The following ABTB2 variants were observed in gnomAD, a reference collection of about 807,000 sequenced individuals.
ABTB2 encodes ankyrin repeat and BTB/POZ domain-containing protein 2.
ABTB2 carries 56 observed loss-of-function variants against 104.1 expected under a neutral mutation model. That is an observed-to-expected ratio of 0.54 (90% confidence interval 0.43 to 0.67). The LOEUF (loss-of-function observed/expected upper bound fraction) is 0.67. Ranked by LOEUF, ABTB2 falls within the 30% of genes least tolerant of loss-of-function variation. ABTB2 has a pLI of 0.00. For synonymous variants in ABTB2, 606 were observed against 608.2 expected (o/e 1.00, Z 0.05); for missense variants, 1,279 against 1,407.7 (o/e 0.91, Z 1.46).
At chr11:34,305,058 T>A (rs1034692539) in intron 1 of ABTB2, among the ~76,000 whole-genome samples, 1 of 152,240 alleles carries the variant, frequency 6.6e-6, no homozygotes, top group Admixed American at 6.5e-5. Context: ...CAGAGCAGTG[T>A]CTGCTTCTAT....
In ABTB2 at chr11:34,246,601, CAAAAAAAAAAAAA is replaced by C. The variant is rs60681759; in HGVS notation, c.884-41924_884-41912del. ...GGGCAATAAGAGTGAAACTCCATCT[CAAAAAAAAAAAAA>C]AAAAAAAAAAAAAGACAAATCTTGT... is the stretch of plus-strand genomic sequence containing the variant. On this transcript the variant is annotated intron_variant, in intron 1 of 16. Coordinates refer to ENST00000435224, the MANE Select transcript of ABTB2 (RefSeq NM_145804.3). Among the ~76,000 whole-genome samples the C allele has an allele frequency of 1.2e-3, 41 of 34,778 alleles. 1 individual carries two copies. Among genetic ancestry groups the C allele is most frequent in the African/African-American group, 5.1e-3 (41 of 8,048 alleles). 22.8% of individuals were successfully genotyped at this position (34,778 alleles called of 152,430 possible).
chr11:34,308,368 T>C lies in ABTB2; in HGVS notation c.883+48333A>G, dbSNP rs114018512. Among the ~76,000 whole-genome samples, 466 of 152,316 alleles carry C rather than the reference T, an allele frequency of 3.1e-3. 3 individuals are homozygous for C. The highest frequency in any genetic ancestry group is 0.01 in the African/African-American group (433 of 41,568). On this transcript the variant is annotated intron_variant, in intron 1 of 16. Coordinates refer to ENST00000435224, the MANE Select transcript of ABTB2 (RefSeq NM_145804.3). ...GTTTAAAGCAGCAAGAAATGACAGC[T>C]AACAGCATTAGAAGGGCTTAAACAT...
At chr11:34,185,070 G>T (rs1335296333) in intron 3 of ABTB2, among the ~76,000 whole-genome samples, 1 of 152,202 alleles carries the variant, frequency 6.6e-6, no homozygotes, top group Non-Finnish European at 1.5e-5. Flanking sequence ...TTAGGCTCTT[G>T]GGATAGGTAA....
chr11:34,159,233 C>G, intron 14 of ABTB2, 63 bp downstream of exon 14: 1 of 1,319,498 alleles, frequency 7.6e-7, no homozygotes, highest in Non-Finnish European at 1.1e-6. Context: ...CAGCTGCCCA[C>G]AAGGTGGGCT....
intron 10 of ABTB2, 50 bp downstream of exon 10, chr11:34,162,526 G>A: frequency 1.3e-6 from 2 of 1,548,986 alleles, no homozygotes; most frequent in African/African-American, 2.7e-5. Flanking sequence ...GTGACCGTGT[G>A]TGTCCATATG....
At chr11:34,225,816 G>A (rs1279212711) in intron 1 of ABTB2, among the ~76,000 whole-genome samples, 1 of 152,046 alleles carries the variant, frequency 6.6e-6, no homozygotes, top group East Asian at 1.9e-4. Flanking sequence ...GAGAAAAGGA[G>A]AAAGAAGAAA....
At chr11:34,279,571 ATCTG>A (rs1328265638) in intron 1 of ABTB2, among the ~76,000 whole-genome samples, 6 of 152,230 alleles carry the variant, frequency 3.9e-5, no homozygotes, top group Non-Finnish European at 5.9e-5. Flanking sequence ...TCCCCAACCT[ATCTG>A]TCTGACACTT....
intron 1 of ABTB2, among the ~76,000 whole-genome samples, chr11:34,254,983 A>T (rs1366757853): frequency 6.6e-6 from 1 of 152,164 alleles, no homozygotes; most frequent in African/African-American, 2.4e-5. Context: ...ATTTTAATTA[A>T]TTTAAATGTA....
rs770654532 is a variant in ABTB2 at position 34,160,271 on chromosome 11, C to T, written c.2480G>A (p.Arg827Gln). ...SSPIPSIPEI[R>Q]KTLPARLDPH... is the part of the protein sequence containing the mutation. ...ACCTAGCCTGGCCGGCAGGGTCTTC[C>T]GGATCTCTGGGATGCTGGGGATGGG... The change falls in exon 12 of 17, where the codon CGG becomes CAG. Residue 827 changes from arginine to glutamine, a missense_variant. Transcript: ENST00000435224. 3.1e-5 allele frequency: 50 copies of T among 1,613,930 alleles called. No homozygotes were observed. Among genetic ancestry groups the T allele is most frequent in the East Asian group, 2.2e-4 (10 of 44,868 alleles).
At chr11:34,163,907 G>A (rs1267865417) in intron 9 of ABTB2, among the ~76,000 whole-genome samples, 1 of 152,060 alleles carries the variant, frequency 6.6e-6, no homozygotes, top group Admixed American at 6.5e-5. Flanking sequence ...ACTGGGTGGG[G>A]TGGAGCGGCC....
chr11:34,162,055 C>T (rs2133006792), intron 10 of ABTB2, among the ~76,000 whole-genome samples: 1 of 152,328 alleles, frequency 6.6e-6, no homozygotes, highest in African/African-American at 2.4e-5. Flanking sequence ...TCATTAGCAC[C>T]AAAGCCACAG....
At position 34,170,597 on chromosome 11, in the gene ABTB2, G is replaced by A. The variant is rs377644220; in HGVS notation, c.1563+309C>T. On this transcript the variant is annotated intron_variant, in intron 5 of 16. Transcript: ENST00000435224. ...AGGCTGTACTACAGGGTTAGCGATC[G>A]TGTCCCTAGCTGGAGATGAAGCTCA... Among the ~76,000 whole-genome samples, 106 of 152,322 alleles carry A rather than the reference G, an allele frequency of 7.0e-4. 2 individuals carry two copies. The highest frequency in any genetic ancestry group is 6.0e-3 in the South Asian group (29 of 4,826).
At chr11:34,226,682 A>G (rs4755363) in intron 1 of ABTB2, among the ~76,000 whole-genome samples, 87,638 of 152,076 alleles carry the variant, frequency 0.58, 26,057 homozygotes, top group Non-Finnish European at 0.66. Context: ...TACCCTTTTA[A>G]AACATTTCAT....
intron 1 of ABTB2, among the ~76,000 whole-genome samples, chr11:34,290,980 TG>T (rs1854560115): frequency 6.6e-6 from 1 of 152,246 alleles, no homozygotes; most frequent in Non-Finnish European, 1.5e-5. Context: ...TAAGACCAAC[TG>T]ACGAAAAACA....
chr11:34,165,323 A>C lies in ABTB2; in HGVS notation c.1789T>G (p.Ser597Ala). ...CTGTCCTCGCCGCCGTTCACTGCCG[A>C]GCCCTCGACATGGGCACCAGCATCC... Reference protein sequence around the residue: ...LLDAGAHVEGSAVNGGEDSYA... With the variant: ...LLDAGAHVEGAAVNGGEDSYA... The change falls in exon 8 of 17, where the codon TCG becomes GCG. Residue 597 changes from serine to alanine, a missense_variant. Ser to Ala is a moderately conservative substitution (Grantham distance 99). Coordinates refer to ENST00000435224, the MANE Select transcript of ABTB2 (RefSeq NM_145804.3). The C allele has an allele frequency of 6.3e-7, 1 of 1,586,062 alleles. No homozygotes were observed. Among genetic ancestry groups the C allele is most frequent in the Non-Finnish European group, 8.6e-7 (1 of 1,166,944 alleles).
chr11:34,333,710 T>C (rs1233086608), intron 1 of ABTB2, among the ~76,000 whole-genome samples: 1 of 152,110 alleles, frequency 6.6e-6, no homozygotes, highest in Non-Finnish European at 1.5e-5. Flanking sequence ...GAGCTGAGAT[T>C]GTGTCACTGC....
At chr11:34,280,304 G>C (rs1204545062) in intron 1 of ABTB2, among the ~76,000 whole-genome samples, 2 of 152,096 alleles carry the variant, frequency 1.3e-5, no homozygotes, top group Non-Finnish European at 1.5e-5. Context: ...AGACAGTGAG[G>C]CTGACCCAGG....
At position 34,232,936 on chromosome 11, in the gene ABTB2, G is replaced by A. The variant is rs1051635266; in HGVS notation, c.884-28246C>T. Among the ~76,000 whole-genome samples, 11 of 152,096 alleles carry A rather than the reference G, an allele frequency of 7.2e-5. No homozygotes were observed. In the South Asian group the frequency reaches 1.2e-3, roughly 17 times the overall value. ...AATCACACCACTGCACTCCAGCCTG[G>A]GTGACAGAAGGAGACTCTGTCTCAA... On this transcript the variant is annotated intron_variant, in intron 1 of 16. Coordinates refer to ENST00000435224, the MANE Select transcript of ABTB2 (RefSeq NM_145804.3).
At chr11:34,197,203 T>C in intron 3 of ABTB2, 122 bp downstream of exon 3, 3 of 1,079,746 alleles carry the variant, frequency 2.8e-6, no homozygotes, top group Non-Finnish European at 4.2e-6. Flanking sequence ...CTCACAGGCA[T>C]AGCACAGTTC....
Sources: gnomAD v4.1 joint callset for allele counts (sites outside exome capture counted in the v4.1 genomes callset) on GRCh38, gnomAD v4.1.1 for gene constraint, MANE v1.5 for transcripts, NCBI Gene and HGNC (gene_info 2026-07-23, HGNC 2026-07-21) for gene names.